NCALD: variants seen among roughly 807,000 people sequenced by gnomAD.
The protein encoded by NCALD is neurocalcin delta.
NCALD carries 10 observed loss-of-function variants against 18.6 expected under a neutral mutation model. The ratio of observed to expected loss-of-function variants is 0.54; its 90% CI spans 0.33 to 0.91. NCALD has a LOEUF of 0.91. Among genes scored for constraint, NCALD ranks in the 40% least tolerant of loss-of-function variants. The pLI, the probability that NCALD is intolerant of heterozygous loss-of-function variation, is 0.03. For synonymous variants in NCALD, 88 were observed against 87.4 expected (o/e 1.01, Z -0.04); for missense variants, 184 against 247.6 (o/e 0.74, Z 1.72).
chr8:101,852,090 C>T (rs1815117764), intron 4 of NCALD, among the ~76,000 whole-genome samples: 1 of 152,124 alleles, frequency 6.6e-6, no homozygotes, highest in Non-Finnish European at 1.5e-5. Context: ...ACTGAACTTC[C>T]CAGCCTCCAT....
intron 3 of NCALD, among the ~76,000 whole-genome samples, chr8:101,910,964 A>G (rs961274827): frequency 6.6e-6 from 1 of 152,160 alleles, no homozygotes; most frequent in African/African-American, 2.4e-5. Context: ...CTGAGCTTTC[A>G]CTGAATGCCT....
At chr8:101,702,291 C>T (rs112348951) in intron 2 of NCALD, among the ~76,000 whole-genome samples, 8,272 of 151,502 alleles carry the variant, frequency 0.055, 338 homozygotes, top group Non-Finnish European at 0.077. Flanking sequence ...AATGCAGTGG[C>T]GTGATGATAG....
In NCALD at chr8:101,901,788, CTT is replaced by C. The variant is rs35531844; in HGVS notation, c.-107+14019_-107+14020del. Among the ~76,000 whole-genome samples, 12 of 150,716 alleles carry C rather than the reference CTT, an allele frequency of 8.0e-5. No homozygotes were observed. The South Asian group carries it at 2.3e-3, about 29-fold the overall frequency. On this transcript the variant is annotated intron_variant, in intron 3 of 6. Coordinates refer to the NCALD transcript ENST00000311028. Reference sequence around the variant, plus strand: ...CCCCATTTTTATTCTTTGCATTACTCTTTTCTCTTCTTTTTTTTTTGAGATGG... The same window carrying C: ...CCCCATTTTTATTCTTTGCATTACTCTTCTCTTCTTTTTTTTTTGAGATGG...
At chr8:101,743,173 G>A (rs865882299) in intron 1 of NCALD, among the ~76,000 whole-genome samples, 1 of 152,168 alleles carries the variant, frequency 6.6e-6, no homozygotes, top group African/African-American at 2.4e-5. Flanking sequence ...TTTAGCACAT[G>A]AGAGATGCTT....
At chr8:102,021,078 C>CA (rs1407471367) in intron 1 of NCALD, among the ~76,000 whole-genome samples, 1 of 152,168 alleles carries the variant, frequency 6.6e-6, no homozygotes, top group Non-Finnish European at 1.5e-5. Context: ...AAGAACACTG[C>CA]ATTTTTTCTT....
In NCALD at chr8:102,088,287, C is replaced by A. The variant is rs184094643; in HGVS notation, c.-210+35950G>T. 1.8e-3 allele frequency among the ~76,000 whole-genome samples: 270 copies of A among 152,262 alleles called. 3 individuals carry two copies. Among genetic ancestry groups the A allele is most frequent in the African/African-American group, 6.2e-3 (257 of 41,532 alleles). ...TATTCCTGATTTAATATCTGCATGACCTTTACCATTTTTTATTCTCTTCCC... is the reference window on the plus strand; with the variant it reads ...TATTCCTGATTTAATATCTGCATGAACTTTACCATTTTTTATTCTCTTCCC... On this transcript the variant is annotated intron_variant, in intron 1 of 6. Transcript: ENST00000311028.
intron 2 of NCALD, among the ~76,000 whole-genome samples, chr8:101,701,226 G>A (rs1939767939): frequency 6.6e-6 from 1 of 152,102 alleles, no homozygotes; most frequent in Admixed American, 6.6e-5. Context: ...ATAGCACAGA[G>A]GAGAAAAATA....
At chr8:101,984,185 C>G (rs1006635306) in intron 2 of NCALD, among the ~76,000 whole-genome samples, 9 of 152,168 alleles carry the variant, frequency 5.9e-5, no homozygotes, top group Non-Finnish European at 1.2e-4. Context: ...AACTCTTTAA[C>G]CTTCCTAAAG....
intron 4 of NCALD, among the ~76,000 whole-genome samples, chr8:101,821,564 C>A (rs1291041418): frequency 1.3e-5 from 2 of 152,194 alleles, no homozygotes; most frequent in Admixed American, 1.3e-4. Context: ...TAAATAGCTA[C>A]ACATTTGTTG....
intron 4 of NCALD, among the ~76,000 whole-genome samples, chr8:101,880,685 A>G (rs1816457366): frequency 6.6e-6 from 1 of 152,272 alleles, no homozygotes; most frequent in Non-Finnish European, 1.5e-5. Context: ...TCAAAGCATT[A>G]TACAAAAAAA....
intron 3 of NCALD, among the ~76,000 whole-genome samples, chr8:101,914,518 A>T (rs571332380): frequency 2.6e-5 from 4 of 152,250 alleles, no homozygotes; most frequent in African/African-American, 9.6e-5. Context: ...GCCCCCAGGG[A>T]GGGTTATGCT....
intron 3 of NCALD, among the ~76,000 whole-genome samples, chr8:101,901,798 C>CTT (rs111894898): frequency 8.7e-5 from 13 of 148,934 alleles, no homozygotes; most frequent in African/African-American, 2.9e-4. Context: ...CTTTTCTCTT[C>CTT]TTTTTTTTTT....
intron 4 of NCALD, among the ~76,000 whole-genome samples, chr8:101,876,573 C>T (rs1196473108): frequency 6.6e-6 from 1 of 152,158 alleles, no homozygotes; most frequent in Non-Finnish European, 1.5e-5. Context: ...TGAGCCAATG[C>T]CAGCTTTCAG....
At chr8:101,924,668 ATGGCCG>A (rs1455613613) in intron 2 of NCALD, among the ~76,000 whole-genome samples, 1 of 152,240 alleles carries the variant, frequency 6.6e-6, no homozygotes, top group African/African-American at 2.4e-5. Flanking sequence ...AGCTGTGTCA[ATGGCCG>A]TCATTTGTTG....
intron 1 of NCALD, among the ~76,000 whole-genome samples, chr8:101,776,630 C>T (rs1232661340): frequency 6.6e-6 from 1 of 152,112 alleles, no homozygotes; most frequent in African/African-American, 2.4e-5. Context: ...TCCATTCCAG[C>T]AGGCAACAGG....
chr8:101,877,904 A>T (rs1816296127), intron 4 of NCALD, among the ~76,000 whole-genome samples: 1 of 152,196 alleles, frequency 6.6e-6, no homozygotes, highest in Non-Finnish European at 1.5e-5. Context: ...TCCAGAATGT[A>T]CCCTTAGGAT....
intron 1 of NCALD, among the ~76,000 whole-genome samples, chr8:102,074,663 C>A (rs1172142522): frequency 1.3e-5 from 2 of 152,260 alleles, no homozygotes; most frequent in East Asian, 1.9e-4. Context: ...GCTCTCACGT[C>A]GGTTCCACAG....
chr8:102,115,121 G>A (rs1270247802), intron 1 of NCALD, among the ~76,000 whole-genome samples: 1 of 152,108 alleles, frequency 6.6e-6, no homozygotes, highest in Non-Finnish European at 1.5e-5. Flanking sequence ...TCATTTTGTT[G>A]TGAGCCCCAC....
chr8:101,721,802 T>G (rs1816369517), intron 1 of NCALD, among the ~76,000 whole-genome samples: 1 of 151,848 alleles, frequency 6.6e-6, no homozygotes, highest in South Asian at 2.1e-4. Flanking sequence ...ACTTCACCTA[T>G]GAGTATGGCC....
Sources: gnomAD v4.1 joint callset for allele counts (sites outside exome capture counted in the v4.1 genomes callset) on GRCh38, gnomAD v4.1.1 for gene constraint, MANE v1.5 for transcripts, NCBI Gene and HGNC (gene_info 2026-07-23, HGNC 2026-07-21) for gene names.